Variants in P4HA3 observed in about 807,000 individuals in gnomAD.
P4HA3 encodes prolyl 4-hydroxylase subunit alpha 3.
P4HA3 carries 60 observed loss-of-function variants against 66.7 expected under a neutral mutation model. The ratio of observed to expected loss-of-function variants is 0.90; its 90% CI spans 0.73 to 1.12. The LOEUF is 1.12. P4HA3 is among the 50% of genes most tolerant of loss of function. The pLI is 0.00. For synonymous variants in P4HA3, 263 were observed against 274.6 expected, an observed-to-expected ratio of 0.96 and a Z score of 0.42; for missense variants, 683 against 685.8, an observed-to-expected ratio of 1.00 and a Z score of 0.05.
At chr11:74,290,374 T>G (rs1860970732) in intron 4 of P4HA3, among the ~76,000 whole-genome samples, 1 of 150,560 alleles carries the variant, frequency 6.6e-6, no homozygotes, top group South Asian at 2.1e-4. Flanking sequence ...GTTGCGAAAA[T>G]TTTCTCCCAT....
intron 15 of P4HA3, chr11:74,251,974 A>C (rs189583712): frequency 1.3e-5 from 9 of 674,000 alleles, no homozygotes; most frequent in Admixed American, 1.1e-4. Flanking sequence ...TGTGATGTGC[A>C]TTTCTTCTTG....
chr11:74,251,762 C>A, intron 15 of P4HA3: 1 of 1,602,554 alleles, frequency 6.2e-7, no homozygotes, highest in South Asian at 1.1e-5. Flanking sequence ...CTGGCCGAAT[C>A]TGACAAGCAG....
chr11:74,311,587 C>T lies in P4HA3; in HGVS notation c.25G>A (p.Ala9Thr). 1 of 1,535,004 alleles carries T rather than the reference C, an allele frequency of 6.5e-7. No individual in the cohort carries two copies. Among genetic ancestry groups the T allele is most frequent in the Admixed American group, 1.9e-5 (1 of 51,536 alleles). Residue 9 changes from alanine (A) to threonine (T), a missense_variant, in exon 1 of 13, where the codon GCG becomes ACG. Physicochemically the swap from Ala to Thr is moderately conservative, Grantham distance 58. Coordinates refer to ENST00000331597, the MANE Select transcript of P4HA3 (RefSeq NM_182904.5). The part of the protein sequence containing the change: MGPGARLA[A>T]LLAVLALGTG... Reference sequence around the variant, plus strand: ...CCGAGCGCCAGCACCGCCAGCAGCGCCGCCAGCCGCGCCCCAGGACCCATA... The same window carrying T: ...CCGAGCGCCAGCACCGCCAGCAGCGTCGCCAGCCGCGCCCCAGGACCCATA...
chr11:74,261,017 T>G (rs2135696143), intron 14 of P4HA3, among the ~76,000 whole-genome samples: 1 of 152,292 alleles, frequency 6.6e-6, no homozygotes, highest in South Asian at 2.1e-4. Flanking sequence ...GACCTGCCTC[T>G]AGAGGTGCCA....
At chr11:74,293,329 C>G (rs1156595492) in intron 4 of P4HA3, among the ~76,000 whole-genome samples, 1 of 152,084 alleles carries the variant, frequency 6.6e-6, no homozygotes, top group Non-Finnish European at 1.5e-5. Flanking sequence ...TTATTTTGAG[C>G]CTATGTGTGT....
At chr11:74,297,997 C>G (rs1472556972) in intron 4 of P4HA3, among the ~76,000 whole-genome samples, 1 of 152,148 alleles carries the variant, frequency 6.6e-6, no homozygotes, top group East Asian at 1.9e-4. Flanking sequence ...AATCCTAGGT[C>G]TATAAGCTTT....
chr11:74,297,701 G>A (rs944655389), intron 4 of P4HA3, among the ~76,000 whole-genome samples: 7 of 152,192 alleles, frequency 4.6e-5, no homozygotes, highest in Non-Finnish European at 8.8e-5. Flanking sequence ...CTACAGAACA[G>A]TGACTCCAGC....
At chr11:74,286,176 C>T (rs374148480) in intron 6 of P4HA3, 52 bp downstream of exon 6, 7 of 1,578,920 alleles carry the variant, frequency 4.4e-6, no homozygotes, top group Middle Eastern at 2.2e-4. Context: ...ATTCTAGCTT[C>T]TCAAACTCTA....
At chr11:74,273,382 C>T (rs1359497280) in intron 10 of P4HA3, among the ~76,000 whole-genome samples, 163 bp downstream of exon 10, 1 of 152,198 alleles carries the variant, frequency 6.6e-6, no homozygotes, top group Non-Finnish European at 1.5e-5. Context: ...TTCTTTACAT[C>T]TCCTACAGTG....
At chr11:74,255,869 C>T in intron 15 of P4HA3, 1 of 488,598 alleles carries the variant, frequency 2.0e-6, no homozygotes, top group South Asian at 1.5e-5. Context: ...TTCATGAGCT[C>T]CCTAGTAGAG....
rs149610178 is a variant in P4HA3 at position 74,276,263 on chromosome 11, T to C, written c.1335+722A>G. Among the ~76,000 whole-genome samples the C allele has an allele frequency of 1.5e-4, 23 of 152,254 alleles. No homozygotes were observed. In the East Asian group the frequency reaches 3.3e-3, roughly 22 times the overall value. On this transcript the variant is annotated intron_variant, in intron 9 of 12. Coordinates refer to ENST00000331597, the MANE Select transcript of P4HA3 (RefSeq NM_182904.5). ...GTGGTCCCCACCATTACACATGCAATACCCATATAACAAGTATGGCTGGGT... is the reference window on the plus strand; with the variant it reads ...GTGGTCCCCACCATTACACATGCAACACCCATATAACAAGTATGGCTGGGT...
At position 74,251,403 on chromosome 11, in the gene P4HA3, A is replaced by G. The variant is rs991560716; in HGVS notation, c.*1319-3402T>C. 8.0e-6 allele frequency: 11 copies of G among 1,372,924 alleles called. No homozygotes were observed. In the African/African-American group the frequency reaches 1.6e-4, roughly 20 times the overall value. The allele number at this position is 1,372,924 out of a possible 1,614,324, so 85.0% of individuals were successfully genotyped here. A position where few individuals can be genotyped will look rare whatever the true frequency, so the allele number is the denominator to read the frequency against. The stretch of plus-strand genomic sequence containing the variant: ...GAGAAAACACCATTCTGTAACTCTG[A>G]GGGCACACATAAGCCCTTCACGTCA... On this transcript the variant is annotated intron_variant and NMD_transcript_variant, in intron 15 of 15. Coordinates refer to the P4HA3 transcript ENST00000524388.
chr11:74,268,064 G>T, intron 12 of P4HA3, 81 bp downstream of exon 12: 1 of 1,216,448 alleles, frequency 8.2e-7, no homozygotes, highest in Non-Finnish European at 1.2e-6. Flanking sequence ...TGGGATGGCT[G>T]TGGTAGGTCC....
intron 4 of P4HA3, 45 bp downstream of exon 4, chr11:74,298,154 AGCTATAAAGGATT>A: frequency 6.5e-7 from 1 of 1,547,444 alleles, no homozygotes; most frequent in Non-Finnish European, 8.8e-7. Flanking sequence ...ATTGTAAAGC[AGCTATAAAGGATT>A]TCACTTAGTA....
At chr11:74,252,505 G>A (rs1319051756) in intron 15 of P4HA3, 10 of 456,402 alleles carry the variant, frequency 2.2e-5, no homozygotes, top group East Asian at 2.1e-4. Flanking sequence ...CTCCCTTTCC[G>A]AAGCTGGCAG....
At chr11:74,310,605 G>A (rs973576165) in intron 1 of P4HA3, among the ~76,000 whole-genome samples, 2 of 152,202 alleles carry the variant, frequency 1.3e-5, no homozygotes, top group Non-Finnish European at 2.9e-5. Context: ...CTCCTCGAGG[G>A]CAGAGTTGGC....
At chr11:74,251,062 T>C in intron 15 of P4HA3, 2 of 1,559,096 alleles carry the variant, frequency 1.3e-6, no homozygotes, top group East Asian at 2.4e-5. Flanking sequence ...ACTGTGAGAA[T>C]AACCCTGGAT....
intron 15 of P4HA3, among the ~76,000 whole-genome samples, chr11:74,258,953 G>A (rs73549068): frequency 0.018 from 2,708 of 152,252 alleles, 81 homozygotes; most frequent in African/African-American, 0.062. Context: ...CATCCTGACT[G>A]GGAATCCCCA....
intron 4 of P4HA3, among the ~76,000 whole-genome samples, chr11:74,295,084 T>G (rs547543521): frequency 7.9e-5 from 12 of 152,206 alleles, no homozygotes; most frequent in Non-Finnish European, 1.8e-4. Context: ...CCTCAAATCT[T>G]AAAGCATGCA....
Sources: gnomAD v4.1 joint callset for allele counts (sites outside exome capture counted in the v4.1 genomes callset) on GRCh38, gnomAD v4.1.1 for gene constraint, MANE v1.5 for transcripts, NCBI Gene and HGNC (gene_info 2026-07-23, HGNC 2026-07-21) for gene names.